The following CDYL variants were observed in gnomAD, a reference collection of about 807,000 sequenced individuals.
CDYL encodes the protein chromodomain Y-like protein.
Under a neutral mutation model 47.3 loss-of-function variants are expected in CDYL, and 8 were observed. That is an observed-to-expected ratio of 0.17 (90% CI 0.10 to 0.31). The LOEUF (loss-of-function observed/expected upper bound fraction) is 0.31, where lower values mean the gene tolerates loss of function less well. Among genes scored for constraint, CDYL ranks in the 10% least tolerant of loss-of-function variants. The probability of loss-of-function intolerance (pLI) is 1.00; values close to 1 mark genes in which losing one functional copy is unlikely to be tolerated. For synonymous variants in CDYL, 266 were observed against 265.0 expected (o/e 1.00, Z -0.04); for missense variants, 471 against 701.4 (o/e 0.67, Z 3.71).
intron 2 of CDYL, among the ~76,000 whole-genome samples, chr6:4,718,912 GTTTT>G (rs34940804): frequency 7.5e-6 from 1 of 132,806 alleles, no homozygotes; most frequent in Non-Finnish European, 1.7e-5. Flanking sequence ...ATTTCCACTG[GTTTT>G]TTTTTTTCTT....
At chr6:4,858,781 G>A (rs1761084410) in intron 1 of CDYL, among the ~76,000 whole-genome samples, 1 of 152,180 alleles carries the variant, frequency 6.6e-6, no homozygotes, top group South Asian at 2.1e-4. Flanking sequence ...TCCAGTTACT[G>A]CTCCCTTGAC....
chr6:4,889,366 G>A (rs750909264), intron 1 of CDYL, among the ~76,000 whole-genome samples: 1 of 152,052 alleles, frequency 6.6e-6, no homozygotes, highest in Non-Finnish European at 1.5e-5. Context: ...TGGGACTACA[G>A]GTGTGCACCA....
intron 1 of CDYL, among the ~76,000 whole-genome samples, chr6:4,814,142 A>C (rs1200924997): frequency 6.6e-6 from 1 of 152,052 alleles, no homozygotes; most frequent in African/African-American, 2.4e-5. Flanking sequence ...CATTCCCATT[A>C]TTTTCATTTC....
At chr6:4,804,089 T>C (rs550693808) in intron 1 of CDYL, among the ~76,000 whole-genome samples, 19 of 152,198 alleles carry the variant, frequency 1.2e-4, no homozygotes, top group African/African-American at 4.6e-4. Flanking sequence ...GTCCATAATT[T>C]TATGAAACTT....
chr6:4,847,823 A>C (rs751696447), intron 1 of CDYL, among the ~76,000 whole-genome samples: 5 of 152,220 alleles, frequency 3.3e-5, no homozygotes, highest in Non-Finnish European at 7.3e-5. Context: ...GTAGGGCTCA[A>C]CAAACGAAAG....
At chr6:4,855,250 T>C (rs1343070684) in intron 1 of CDYL, among the ~76,000 whole-genome samples, 1 of 152,210 alleles carries the variant, frequency 6.6e-6, no homozygotes, top group East Asian at 1.9e-4. Context: ...CCCTTTTCTC[T>C]ATTAATATCC....
chr6:4,865,289 C>G (rs1333405461), intron 1 of CDYL, among the ~76,000 whole-genome samples: 1 of 152,176 alleles, frequency 6.6e-6, no homozygotes, highest in African/African-American at 2.4e-5. Context: ...TCCCGCCACT[C>G]GGGCTCATAC....
At chr6:4,724,850 C>T (rs891785572) in intron 2 of CDYL, 4 of 152,170 alleles carry the variant, frequency 2.6e-5, no homozygotes, top group African/African-American at 4.8e-5. Flanking sequence ...AAAAATAAAG[C>T]TTCCAAACCG....
chr6:4,831,430 T>C (rs1760140722), intron 1 of CDYL, among the ~76,000 whole-genome samples: 1 of 152,192 alleles, frequency 6.6e-6, no homozygotes, highest in African/African-American at 2.4e-5. Flanking sequence ...TCTGTTCCAT[T>C]GATCTATATC....
chr6:4,721,200 T>A (rs543444436), intron 2 of CDYL, among the ~76,000 whole-genome samples: 3 of 152,210 alleles, frequency 2.0e-5, no homozygotes, highest in South Asian at 2.1e-4. Context: ...CAGCGTTTTT[T>A]CAACTAGAAA....
chr6:4,857,508 A>G (rs180944816), intron 1 of CDYL, among the ~76,000 whole-genome samples: 47 of 152,270 alleles, frequency 3.1e-4, no homozygotes, highest in Admixed American at 2.7e-3. Context: ...CTGGTAACTC[A>G]CCCTTTAGCA....
intron 1 of CDYL, among the ~76,000 whole-genome samples, chr6:4,791,194 TCA>T: frequency 6.6e-6 from 1 of 152,326 alleles, no homozygotes; most frequent in Admixed American, 6.5e-5. Context: ...ATCTTTGTCA[TCA>T]ATACCACTGT....
intron 5 of CDYL, among the ~76,000 whole-genome samples, chr6:4,944,151 A>G (rs966750630): frequency 6.6e-6 from 1 of 152,118 alleles, no homozygotes; most frequent in Non-Finnish European, 1.5e-5. Context: ...GTGTGTTTTT[A>G]TTTCTTTAAC....
intron 1 of CDYL, among the ~76,000 whole-genome samples, chr6:4,778,585 AAGGAGTGTCTGTTGGGG>A (rs1475591067): frequency 6.6e-6 from 1 of 152,198 alleles, no homozygotes; most frequent in Non-Finnish European, 1.5e-5. Context: ...TCATGCTTTC[AAGGAGTGTCTGTTGGGG>A]AGGAAGTAAG....
chr6:4,937,826 A>G, intron 4 of CDYL, 89 bp downstream of exon 4: 1 of 982,480 alleles, frequency 1.0e-6, no homozygotes, highest in Non-Finnish European at 1.5e-6. Context: ...CCAAGCCTTG[A>G]GAATAAGATA....
At chr6:4,780,986 TC>T (rs1758603822) in intron 1 of CDYL, among the ~76,000 whole-genome samples, 1 of 152,236 alleles carries the variant, frequency 6.6e-6, no homozygotes, top group Non-Finnish European at 1.5e-5. Context: ...ATTCCTTTTT[TC>T]CTCAGTAGAT....
At chr6:4,770,543 A>AT (rs1180372344) in intron 3 of CDYL, among the ~76,000 whole-genome samples, 3 of 152,062 alleles carry the variant, frequency 2.0e-5, no homozygotes, top group Non-Finnish European at 2.9e-5. Flanking sequence ...TTTATTTATT[A>AT]TTTTTTTAAT....
At chr6:4,728,332 C>A (rs980206497) in intron 2 of CDYL, among the ~76,000 whole-genome samples, 1 of 152,188 alleles carries the variant, frequency 6.6e-6, no homozygotes, top group Non-Finnish European at 1.5e-5. Flanking sequence ...ACTGCCTGTG[C>A]CAGGGCATTC....
chr6:4,939,622 A>G (rs1031021862), intron 4 of CDYL, among the ~76,000 whole-genome samples: 2 of 152,164 alleles, frequency 1.3e-5, no homozygotes, highest in African/African-American at 2.4e-5. Flanking sequence ...CTAATCTCCT[A>G]GGGGATTTCA....
Sources: gnomAD v4.1 joint callset for allele counts (sites outside exome capture counted in the v4.1 genomes callset) on GRCh38, gnomAD v4.1.1 for gene constraint, MANE v1.5 for transcripts, NCBI Gene and HGNC (gene_info 2026-07-23, HGNC 2026-07-21) for gene names.